Variants in NFIA observed in about 807,000 individuals in gnomAD.
The protein encoded by NFIA is nuclear factor 1 A-type.
In NFIA, 8 loss-of-function variants were observed where a neutral mutation model predicts 62.8. That is an observed-to-expected ratio of 0.13 (90% CI 0.07 to 0.23). The LOEUF (loss-of-function observed/expected upper bound fraction) is 0.23. Among genes scored for constraint, NFIA ranks in the 10% least tolerant of loss-of-function variants. The probability of loss-of-function intolerance (pLI) is 1.00; values close to 1 mark genes in which losing one functional copy is unlikely to be tolerated. For synonymous variants in NFIA, 235 were observed against 238.1 expected (o/e 0.99, Z 0.12); for missense variants, 410 against 642.1 (o/e 0.64, Z 3.91).
intron 2 of NFIA, among the ~76,000 whole-genome samples, chr1:61,097,432 A>G (rs1646435193): frequency 6.6e-6 from 1 of 152,194 alleles, no homozygotes; most frequent in Non-Finnish European, 1.5e-5. Flanking sequence ...TGCCATTTTC[A>G]GGCTGTCTTT....
chr1:61,083,960 A>G (rs947949865), intron 1 of NFIA, among the ~76,000 whole-genome samples: 2 of 152,052 alleles, frequency 1.3e-5, no homozygotes, highest in East Asian at 1.9e-4. Flanking sequence ...CGAGACTTCA[A>G]ATCCGGTCCC....
At chr1:61,135,247 T>G (rs1647161116) in intron 2 of NFIA, among the ~76,000 whole-genome samples, 1 of 152,194 alleles carries the variant, frequency 6.6e-6, no homozygotes, top group Admixed American at 6.5e-5. Flanking sequence ...TACAGCTACT[T>G]TGATTTGGCT....
At chr1:61,294,473 A>G (rs1659078590) in intron 3 of NFIA, among the ~76,000 whole-genome samples, 1 of 152,248 alleles carries the variant, frequency 6.6e-6, no homozygotes, top group Non-Finnish European at 1.5e-5. Context: ...GTTACTTGAA[A>G]GGCGATTGAA....
chr1:61,335,589 T>C (rs1448075839), intron 4 of NFIA, among the ~76,000 whole-genome samples: 1 of 152,164 alleles, frequency 6.6e-6, no homozygotes, highest in Non-Finnish European at 1.5e-5. Context: ...ATGCCTGTAA[T>C]CCCAGCACTT....
chr1:61,406,844 T>C (rs1665864061), intron 9 of NFIA, 117 bp downstream of exon 9: 1 of 1,201,738 alleles, frequency 8.3e-7, no homozygotes, highest in South Asian at 2.0e-5. Flanking sequence ...TCCCCAGTGA[T>C]GTTGTAGCAT....
chr1:61,091,029 C>G, intron 2 of NFIA, among the ~76,000 whole-genome samples: 1 of 152,224 alleles, frequency 6.6e-6, no homozygotes, highest in East Asian at 1.9e-4. Flanking sequence ...GTTTTTACCT[C>G]CTTAAAAGTT....
At chr1:61,211,683 G>T (rs1433944765) in intron 2 of NFIA, among the ~76,000 whole-genome samples, 1 of 151,992 alleles carries the variant, frequency 6.6e-6, no homozygotes, top group Non-Finnish European at 1.5e-5. Context: ...TGTAGAGAAG[G>T]GTGCTATTTT....
chr1:61,410,796 A>G (rs1666064149), intron 9 of NFIA, among the ~76,000 whole-genome samples: 2 of 152,278 alleles, frequency 1.3e-5, no homozygotes, highest in South Asian at 2.1e-4. Flanking sequence ...AGTTTCAGCT[A>G]CTTGGGAGGC....
At chr1:61,407,709 A>G (rs191693589) in intron 9 of NFIA, among the ~76,000 whole-genome samples, 73 of 152,322 alleles carry the variant, frequency 4.8e-4, no homozygotes, top group African/African-American at 1.6e-3. Flanking sequence ...GGTTGTCAAA[A>G]GAAGTGAGAC....
At chr1:61,356,196 A>G (rs192164919) in intron 5 of NFIA, among the ~76,000 whole-genome samples, 1 of 152,334 alleles carries the variant, frequency 6.6e-6, no homozygotes, top group African/African-American at 2.4e-5. Context: ...TCTGTTAGCC[A>G]GACACTGTGG....
At chr1:61,438,998 G>GAC (rs3076170) in intron 10 of NFIA, among the ~76,000 whole-genome samples, 25,213 of 141,762 alleles carry the variant, frequency 0.18, 2,320 homozygotes, top group East Asian at 0.24. Flanking sequence ...CATGCATGCA[G>GAC]ACACACACAC....
chr1:61,084,865 T>G (rs1216642034), intron 1 of NFIA, among the ~76,000 whole-genome samples: 1 of 152,108 alleles, frequency 6.6e-6, no homozygotes, highest in Non-Finnish European at 1.5e-5. Flanking sequence ...TTTTTTTCTT[T>G]TTTTTTCGGC....
intron 3 of NFIA, among the ~76,000 whole-genome samples, chr1:61,323,194 A>C (rs1490625420): frequency 6.6e-6 from 1 of 152,252 alleles, no homozygotes; most frequent in African/African-American, 2.4e-5. Context: ...GTGTCATGAT[A>C]AACCAAAATG....
In NFIA at chr1:61,189,173, G is replaced by A. The variant is rs543245912; in HGVS notation, c.560-88347G>A. Among the ~76,000 whole-genome samples, 32 of 152,300 alleles carry A rather than the reference G, an allele frequency of 2.1e-4. 2 individuals carry two copies. The Middle Eastern group carries it at 0.01, about 49-fold the overall frequency. ...GAGAAAGCAGTGGTCTTGGCAGGTC[G>A]TGGGCTGGCAAGGTATGGAGGAGAC... On this transcript the variant is annotated intron_variant, in intron 2 of 10. Transcript: ENST00000403491.
At position 61,082,768 on chromosome 1, in the gene NFIA, C is replaced by G; in HGVS notation, c.-24C>G. 6.4e-7 allele frequency: 1 copy of G among 1,553,162 alleles called. No individual in the cohort carries two copies. The highest frequency in any genetic ancestry group is 8.7e-7 in the Non-Finnish European group (1 of 1,147,790). On this transcript the variant is annotated 5_prime_UTR_variant, in exon 1 of 11. Coordinates refer to ENST00000403491, the MANE Select transcript of NFIA (RefSeq NM_001134673.4). ...TCCAAACCGCACACCCAGACGCACA[C>G]GCATACCCCAGCGCCCGGCAGTTAT...
chr1:61,108,791 A>C (rs897222060), intron 2 of NFIA, among the ~76,000 whole-genome samples: 3 of 151,752 alleles, frequency 2.0e-5, no homozygotes, highest in Non-Finnish European at 3.0e-5. Flanking sequence ...TATTTTTAAA[A>C]ATTTTATGGT....
intron 3 of NFIA, among the ~76,000 whole-genome samples, chr1:61,295,976 C>A (rs1335845987): frequency 6.6e-6 from 1 of 152,172 alleles, no homozygotes; most frequent in East Asian, 1.9e-4. Context: ...ATGCACACTC[C>A]TCTCTTAGGG....
chr1:61,085,134 G>A (rs1197873541), intron 1 of NFIA, among the ~76,000 whole-genome samples: 1 of 151,632 alleles, frequency 6.6e-6, no homozygotes, highest in Non-Finnish European at 1.5e-5. Flanking sequence ...AAATCAGTAA[G>A]CACAGTGATT....
At chr1:61,201,834 A>G (rs529049956) in intron 2 of NFIA, among the ~76,000 whole-genome samples, 1 of 152,176 alleles carries the variant, frequency 6.6e-6, no homozygotes, top group African/African-American at 2.4e-5. Context: ...AGCTCCAAAT[A>G]AAAACTGTCA....
Sources: allele counts gnomAD v4.1 joint callset (sites outside exome capture counted in the v4.1 genomes callset), GRCh38; gene constraint gnomAD v4.1.1; transcripts MANE v1.5; gene names NCBI Gene and HGNC (gene_info 2026-07-23, HGNC 2026-07-21).